Variants in CUL2 observed in about 807,000 individuals in gnomAD.
CUL2 encodes the protein cullin 2, also known as cullin-2.
Under a neutral mutation model 110.2 loss-of-function variants are expected in CUL2, and 22 were observed. That is an observed-to-expected ratio of 0.20 (90% confidence interval 0.14 to 0.28). The LOEUF (loss-of-function observed/expected upper bound fraction) is 0.28. Ranked by LOEUF, CUL2 falls within the 10% of genes least tolerant of loss-of-function variation. The pLI, the probability that CUL2 is intolerant of heterozygous loss-of-function variation, is 1.00. For synonymous variants in CUL2, 279 were observed against 293.2 expected, an observed-to-expected ratio of 0.95 and a Z score of 0.49; for missense variants, 631 against 905.5, an observed-to-expected ratio of 0.70 and a Z score of 3.89.
At chr10:35,044,255 T>C (rs2085878670) in intron 8 of CUL2, among the ~76,000 whole-genome samples, 1 of 152,056 alleles carries the variant, frequency 6.6e-6, no homozygotes. Flanking sequence ...CCACTAAGCA[T>C]GAAATCCAGT....
At chr10:35,120,600 C>G (rs542228640) in intron 1 of CUL2, 1 of 152,164 alleles carries the variant, frequency 6.6e-6, no homozygotes, top group South Asian at 2.1e-4. Flanking sequence ...AGGAAATTGC[C>G]TAAAGAATGT....
Position 35,010,194 on chromosome 10 carries a change from G to A in CUL2, c.*117C>T. On this transcript the variant is annotated 3_prime_UTR_variant, in exon 21 of 21. Transcript: ENST00000374749. Reference sequence around the variant, plus strand: ...GGCACTGGTGATGTTGTAAACAGCAGAAAACAGGGGCTGCCAAATGACCAA... The same window carrying A: ...GGCACTGGTGATGTTGTAAACAGCAAAAAACAGGGGCTGCCAAATGACCAA... 1 of 1,120,958 alleles carries A rather than the reference G, an allele frequency of 8.9e-7. No homozygotes were observed. 69.4% of individuals were successfully genotyped at this position (1,120,958 alleles called of 1,614,324 possible).
At chr10:35,087,702 T>G (rs1397421417) in intron 1 of CUL2, among the ~76,000 whole-genome samples, 1 of 152,160 alleles carries the variant, frequency 6.6e-6, no homozygotes, top group Non-Finnish European at 1.5e-5. Flanking sequence ...ACATGACAAT[T>G]TCAATAAGTA....
intron 2 of CUL2, among the ~76,000 whole-genome samples, chr10:35,065,656 T>C (rs555531356): frequency 1.3e-5 from 2 of 150,836 alleles, no homozygotes; most frequent in East Asian, 3.9e-4. Flanking sequence ...AAAAAAGAGA[T>C]TGAGACCATC....
At chr10:35,103,333 A>AAT (rs2087411732) in intron 1 of CUL2, among the ~76,000 whole-genome samples, 3 of 53,384 alleles carry the variant, frequency 5.6e-5, no homozygotes, top group Admixed American at 2.3e-4. Flanking sequence ...TTTTTTTTTT[A>AAT]TTTTTTTTTG....
intron 1 of CUL2, among the ~76,000 whole-genome samples, chr10:35,106,293 A>AT (rs1002319713): frequency 6.6e-6 from 1 of 150,682 alleles, no homozygotes; most frequent in Non-Finnish European, 1.5e-5. Flanking sequence ...TAAAAAATAA[A>AT]TGTGTTTTTT....
intron 8 of CUL2, among the ~76,000 whole-genome samples, chr10:35,041,691 C>G (rs2085793509): frequency 6.6e-6 from 1 of 152,124 alleles, no homozygotes. Flanking sequence ...ACTACACCAC[C>G]ATGTGTGGCT....
At chr10:35,015,223 G>A (rs2084996646) in intron 18 of CUL2, among the ~76,000 whole-genome samples, 1 of 151,646 alleles carries the variant, frequency 6.6e-6, no homozygotes, top group Non-Finnish European at 1.5e-5. Context: ...AACCCAGGAG[G>A]TGGAGGTTGC....
At position 35,074,785 on chromosome 10, in the gene CUL2, C is replaced by A. The variant is rs527780898; in HGVS notation, c.-22-3446G>T. Among the ~76,000 whole-genome samples the A allele has an allele frequency of 2.3e-3, 350 of 152,262 alleles. 2 individuals are homozygous for A. The highest frequency in any genetic ancestry group is 8.1e-3 in the African/African-American group (336 of 41,558). ...TATAGGTGTGAGCCATTGTGCCCGG[C>A]CTTCATCTGCTTTTAAGAAACTTTC... On this transcript the variant is annotated intron_variant, in intron 1 of 20. Transcript: ENST00000374749.
In CUL2 at chr10:35,010,373, T is replaced by C; in HGVS notation, c.2176A>G (p.Ile726Val). The change falls in exon 21 of 21, where the codon ATA becomes GTA. Residue 726 changes from isoleucine to valine, a missense_variant. By Grantham distance (29) the Ile-to-Val change is conservative. Coordinates refer to ENST00000374749, the MANE Select transcript of CUL2 (RefSeq NM_003591.4). ...SMIKKCIEVL[I>V]DKQYIERSQA... is the part of the protein sequence containing the mutation. ...CTGCGTTCTATGTATTGTTTGTCTATCAGAACTTCAATACACTTCTTAATC... is the reference window on the plus strand; with the variant it reads ...CTGCGTTCTATGTATTGTTTGTCTACCAGAACTTCAATACACTTCTTAATC... The C allele has an allele frequency of 6.2e-7, 1 of 1,612,702 alleles. No homozygotes were observed.
chr10:35,072,287 C>T (rs1341282576), intron 1 of CUL2, among the ~76,000 whole-genome samples: 1 of 151,508 alleles, frequency 6.6e-6, no homozygotes, highest in East Asian at 1.9e-4. Context: ...AGGCTCCTTC[C>T]CAGATTCTTG....
intron 19 of CUL2, 105 bp from the exon 20 acceptor site, chr10:35,012,069 T>G: frequency 1.5e-6 from 1 of 674,000 alleles, no homozygotes; most frequent in Admixed American, 2.9e-5. Context: ...TTTTTTTTTT[T>G]TTGAGACAGG....
chr10:35,010,293 C>A lies in CUL2; in HGVS notation c.*18G>T. On this transcript the variant is annotated 3_prime_UTR_variant, in exon 21 of 21. Transcript: ENST00000374749. ...TGATGGCAATGATCTTCTCACACCA[C>A]GCTGGAGGAGAGCGACATCACGCGA... 1 of 1,593,332 alleles carries A rather than the reference C, an allele frequency of 6.3e-7. No homozygotes were observed. Among genetic ancestry groups the A allele is most frequent in the Non-Finnish European group, 8.6e-7 (1 of 1,169,006 alleles).
At chr10:35,057,692 T>C (rs1278137393) in intron 4 of CUL2, among the ~76,000 whole-genome samples, 1 of 151,990 alleles carries the variant, frequency 6.6e-6, no homozygotes, top group Non-Finnish European at 1.5e-5. Flanking sequence ...AAGTCACAAT[T>C]TAAAATATAA....
At chr10:35,030,790 G>A (rs932370498) in intron 14 of CUL2, among the ~76,000 whole-genome samples, 7 of 150,486 alleles carry the variant, frequency 4.7e-5, no homozygotes, top group African/African-American at 1.7e-4. Context: ...CTGCTCAGGA[G>A]GCTGAGGCGG....
At chr10:35,072,131 CATCAGT>C (rs1242243773) in intron 1 of CUL2, among the ~76,000 whole-genome samples, 5 of 151,910 alleles carry the variant, frequency 3.3e-5, no homozygotes, top group Non-Finnish European at 7.4e-5. Flanking sequence ...CTTCCTGGAG[CATCAGT>C]ATAAGATTAG....
chr10:35,026,275 G>A (rs2085333762), intron 16 of CUL2, among the ~76,000 whole-genome samples: 1 of 152,132 alleles, frequency 6.6e-6, no homozygotes, highest in African/African-American at 2.4e-5. Context: ...TTCTAATCCA[G>A]ACAAACAGCA....
chr10:35,061,286 C>A (rs1014935435), intron 3 of CUL2, among the ~76,000 whole-genome samples: 3 of 151,706 alleles, frequency 2.0e-5, no homozygotes, highest in East Asian at 1.9e-4. Flanking sequence ...CCAGCCTGAC[C>A]AACATGGTGA....
chr10:35,060,906 G>A lies in CUL2; in HGVS notation c.285C>T (p.Ser95=), dbSNP rs1250718292. The change falls in exon 4 of 21, where the codon AGC becomes AGT. Residue 95 remains serine (S), a synonymous_variant. Transcript: ENST00000374749. ...AGCAGTCCATATAGTCTGCACCCTT[G>A]CTGTATTCTTCCCAGTACCTATGAT... ...VMYHRYWEEY[S]KGADYMDCLY... 6.2e-7 allele frequency: 1 copy of A among 1,613,932 alleles called. No individual in the cohort carries two copies.
Sources: gnomAD v4.1 joint callset for allele counts (sites outside exome capture counted in the v4.1 genomes callset) on GRCh38, gnomAD v4.1.1 for gene constraint, MANE v1.5 for transcripts, NCBI Gene and HGNC (gene_info 2026-07-23, HGNC 2026-07-21) for gene names.